TOPBP1: variants seen among roughly 807,000 people sequenced by gnomAD.
TOPBP1 encodes the protein DNA topoisomerase 2-binding protein 1.
TOPBP1 carries 28 observed loss-of-function variants against 167.7 expected under a neutral mutation model. The observed-to-expected ratio is 0.17, with a 90% CI of 0.12 to 0.23. TOPBP1 has a LOEUF of 0.23. Ranked by LOEUF, TOPBP1 falls within the 10% of genes least tolerant of loss-of-function variation. The pLI, the probability that TOPBP1 is intolerant of heterozygous loss-of-function variation, is 1.00. For missense variants in TOPBP1, 1,554 were observed against 1,809.6 expected, an observed-to-expected ratio of 0.86 and a Z score of 2.56; for synonymous variants, 598 against 611.4, an observed-to-expected ratio of 0.98 and a Z score of 0.32.
chr3:133,608,911 C>T lies in TOPBP1; in HGVS notation c.4225G>A (p.Ala1409Thr). The stretch of plus-strand genomic sequence containing the variant: ...GACTGAAGAAGGCGTTTGAAGCCTG[C>T]TTCTCGAGACTGATCCACATGTAAA... ...VILHVDQSRE[A>T]GFKRLLQSGG... Residue 1409 changes from alanine (A) to threonine (T), a missense_variant, in exon 26 of 28, where the codon GCA (alanine) becomes ACA (threonine). Ala to Thr is a moderately conservative substitution (Grantham distance 58). Coordinates refer to ENST00000260810, the MANE Select transcript of TOPBP1 (RefSeq NM_007027.4). The T allele has an allele frequency of 6.2e-7, 1 of 1,613,282 alleles. No homozygotes were observed. The highest frequency in any genetic ancestry group is 8.5e-7 in the Non-Finnish European group (1 of 1,179,636).
At chr3:133,610,889 G>GA (rs1445876462) in intron 25 of TOPBP1, 115 bp downstream of exon 25, 1 of 1,237,438 alleles carries the variant, frequency 8.1e-7, no homozygotes, top group African/African-American at 1.5e-5. Flanking sequence ...AAAATTTGGG[G>GA]AAAAAAGACA....
intron 14 of TOPBP1, among the ~76,000 whole-genome samples, chr3:133,636,171 G>A (rs74196650): frequency 2.0e-5 from 3 of 152,146 alleles, no homozygotes; most frequent in South Asian, 4.1e-4. Flanking sequence ...CTATCTGAAC[G>A]TGTATAGTGG....
intron 6 of TOPBP1, among the ~76,000 whole-genome samples, chr3:133,653,947 A>G (rs2107831594): frequency 6.6e-6 from 1 of 152,282 alleles, no homozygotes; most frequent in South Asian, 2.1e-4. Context: ...AGGTTATTTC[A>G]AAAACCTATC....
In TOPBP1 at chr3:133,617,324, C is replaced by G. The variant is rs1046004612; in HGVS notation, c.3595G>C (p.Val1199Leu). ...ACACGTATGTTTCCAGGATCACAGA[C>G]AGCTGAGGACAATAAAATGCTGCAG... ...LHDSEIAKQA[V>L]CDPGNIRVTE... Residue 1199 changes from valine (V) to leucine (L), a missense_variant and splice_region_variant, in exon 22 of 28, where the codon GTC becomes CTC. This residue lies in a region of TOPBP1 where 351 missense variants were observed against 432.9 expected (regional missense o/e 0.81). Transcript: ENST00000260810. 1 of 1,600,150 alleles carries G rather than the reference C, an allele frequency of 6.2e-7. No homozygotes were observed. Among genetic ancestry groups the G allele is most frequent in the African/African-American group, 1.4e-5 (1 of 74,000 alleles).
chr3:133,638,672 A>G (rs978473279), intron 13 of TOPBP1, among the ~76,000 whole-genome samples: 1 of 152,206 alleles, frequency 6.6e-6, no homozygotes, highest in Non-Finnish European at 1.5e-5. Context: ...CAAAATAAGT[A>G]ATGACTCTGA....
Position 133,623,348 on chromosome 3 carries a change from C to T in TOPBP1, c.3038G>A (p.Arg1013Gln), listed in dbSNP as rs61758061. The T allele has an allele frequency of 8.3e-3, 13,345 of 1,613,522 alleles. 181 individuals carry two copies. The highest frequency in any genetic ancestry group is 7.3e-3 in the Non-Finnish European group (8,617 of 1,179,756). Reference sequence around the variant, plus strand: ...TGTTGAAGACACAGCTGAGAGTAGTCGACTATTACAGAGCCGGCCATCTTG... The same window carrying T: ...TGTTGAAGACACAGCTGAGAGTAGTTGACTATTACAGAGCCGGCCATCTTG... The part of the protein sequence containing the change: ...AVQDGRLCNS[R>Q]LLSAVSSTKD... The change falls in exon 18 of 28, where the codon CGA becomes CAA. Residue 1013 changes from arginine to glutamine, a missense_variant. By Grantham distance (43) the Arg-to-Gln change is conservative (BLOSUM62 1). Around this residue, in one of 3 missense-constraint regions of TOPBP1, gnomAD observed 1,197 missense variants for 1,351.5 expected, o/e 0.89. Transcript: ENST00000260810.
At position 133,653,531 on chromosome 3, in the gene TOPBP1, C is replaced by A; in HGVS notation, c.743-7G>T. ...GCACACTCATACTTCTGACCTGTGG[C>A]GTTCATTAAGAAAGAAATAGAGAAA... is the stretch of plus-strand genomic sequence containing the variant. On this transcript the variant is annotated splice_region_variant and splice_polypyrimidine_tract_variant and intron_variant, in intron 6 of 27. Transcript: ENST00000260810. The A allele has an allele frequency of 6.6e-7, 1 of 1,521,756 alleles. No homozygotes were observed. Among genetic ancestry groups the A allele is most frequent in the Non-Finnish European group, 8.8e-7 (1 of 1,139,416 alleles). 94.3% of individuals were successfully genotyped at this position (1,521,756 alleles called of 1,614,324 possible).
At chr3:133,636,866 A>G (rs1193842713) in intron 14 of TOPBP1, among the ~76,000 whole-genome samples, 1 of 152,218 alleles carries the variant, frequency 6.6e-6, no homozygotes, top group African/African-American at 2.4e-5. Context: ...CTTAAGGGAT[A>G]TGGACCTGAG....
At chr3:133,626,552 T>C (rs1045099274) in intron 16 of TOPBP1, among the ~76,000 whole-genome samples, 4 of 152,236 alleles carry the variant, frequency 2.6e-5, no homozygotes, top group African/African-American at 9.6e-5. Context: ...GCAGTTTTAA[T>C]ATACACTAAT....
At chr3:133,652,740 T>C (rs1035323857) in intron 7 of TOPBP1, 111 bp from the exon 8 acceptor site, 1 of 876,512 alleles carries the variant, frequency 1.1e-6, no homozygotes, top group African/African-American at 1.7e-5. Context: ...ACTTCCAAAG[T>C]AAGATTCAGG....
Position 133,617,303 on chromosome 3 carries a change from G to A in TOPBP1, c.3616C>T (p.Arg1206Cys), listed in dbSNP as rs202180261. Residue 1206 changes from arginine (R) to cysteine (C), a missense_variant, in exon 22 of 28, where the codon CGT (arginine) becomes TGT (cysteine). Physicochemically the swap from Arg to Cys is radical, Grantham distance 180. Transcript: ENST00000260810. ...KQAVCDPGNI[R>C]VTEAPKHPIS... Reference sequence around the variant, plus strand: ...GGGTGTTTGGGAGCTTCAGTCACACGTATGTTTCCAGGATCACAGACAGCT... The same window carrying A: ...GGGTGTTTGGGAGCTTCAGTCACACATATGTTTCCAGGATCACAGACAGCT... 129 of 1,611,902 alleles carry A rather than the reference G, an allele frequency of 8.0e-5. 1 individual carries two copies. The African/African-American group carries it at 1.2e-3, about 15-fold the overall frequency.
At chr3:133,610,731 C>T (rs1934647800) in intron 25 of TOPBP1, among the ~76,000 whole-genome samples, 1 of 151,916 alleles carries the variant, frequency 6.6e-6, no homozygotes, top group Admixed American at 6.6e-5. Flanking sequence ...AGTACATGGC[C>T]TTCCCAGATT....
chr3:133,649,441 C>G lies in TOPBP1; in HGVS notation c.1446G>C (p.Lys482Asn). The G allele has an allele frequency of 2.5e-6, 4 of 1,613,872 alleles. No homozygotes were observed. The highest frequency in any genetic ancestry group is 3.4e-6 in the Non-Finnish European group (4 of 1,179,864). ...GCAGATCTTCATCAGCTTGCTCATG[C>G]TTTTCACTAGGAGCAAAGTCTTTCT... ...FSKKDFAPSE[K>N]HEQADEDLLS... The change falls in exon 10 of 28, where the codon AAG (lysine) becomes AAC (asparagine). Residue 482 changes from lysine (K) to asparagine (N), a missense_variant. Around this residue, in one of 3 missense-constraint regions of TOPBP1, gnomAD observed 1,197 missense variants for 1,351.5 expected, o/e 0.89. Transcript: ENST00000260810.
chr3:133,652,423 G>GTA (rs1286033513), intron 8 of TOPBP1, 40 bp downstream of exon 8: 1 of 1,600,144 alleles, frequency 6.2e-7, no homozygotes. Flanking sequence ...AAATGCTAAT[G>GTA]TATATCATCT....
chr3:133,653,262 T>G (rs1433086197), intron 7 of TOPBP1, 83 bp downstream of exon 7: 49 of 1,265,534 alleles, frequency 3.9e-5, no homozygotes, highest in Admixed American at 1.4e-4. Context: ...ATTCCCTATC[T>G]CAGTGATCCT....
At chr3:133,660,820 A>G (rs1409821792) in intron 2 of TOPBP1, among the ~76,000 whole-genome samples, 1 of 152,240 alleles carries the variant, frequency 6.6e-6, no homozygotes, top group Non-Finnish European at 1.5e-5. Context: ...TAGGTCAGCC[A>G]TATTAAACAG....
chr3:133,618,568 T>C, intron 20 of TOPBP1, 135 bp from the exon 21 acceptor site: 2 of 677,238 alleles, frequency 3.0e-6, no homozygotes, highest in African/African-American at 1.8e-5. Flanking sequence ...ATTAAAAATA[T>C]TAAATAAATG....
In TOPBP1 at chr3:133,653,420, T is replaced by G; in HGVS notation, c.847A>C (p.Lys283Gln). Residue 283 changes from lysine (K) to glutamine (Q), a missense_variant, in exon 7 of 28, where the codon AAG (lysine) becomes CAG (glutamine). Transcript: ENST00000260810. ...TTTGCTTCTGGTCTAGGTTCTGTCT[T>G]GTATATGGATTCATCCTGACAAAAA... is the stretch of plus-strand genomic sequence containing the variant. Reference protein sequence around the residue: ...KGFCQDESIYKTEPRPEAKTM... With the variant: ...KGFCQDESIYQTEPRPEAKTM... 5.0e-6 allele frequency: 8 copies of G among 1,613,356 alleles called. No homozygotes were observed. The highest frequency in any genetic ancestry group is 6.8e-6 in the Non-Finnish European group (8 of 1,179,716).
rs368813639 is a variant in TOPBP1 at position 133,601,388 on chromosome 3, T to C, written c.4431A>G (p.Ser1477=). Residue 1477 remains serine, a synonymous_variant, in exon 28 of 28, where the codon TCA becomes TCG. Transcript: ENST00000260810. The part of the protein sequence containing the change: ...EYIADYLMQE[S]PPHVENYCLP... Reference sequence around the variant, plus strand: ...GACAGTAATTTTCTACATGAGGAGGTGATTCCTATAAAAGGAAAAATAAGT... The same window carrying C: ...GACAGTAATTTTCTACATGAGGAGGCGATTCCTATAAAAGGAAAAATAAGT... 184 of 1,520,252 alleles carry C rather than the reference T, an allele frequency of 1.2e-4. No individual in the cohort carries two copies. The highest frequency in any genetic ancestry group is 1.5e-4 in the Non-Finnish European group (167 of 1,132,474). 94.2% of individuals were successfully genotyped at this position (1,520,252 alleles called of 1,614,324 possible). A position where few individuals can be genotyped will look rare whatever the true frequency, so the allele number is the denominator to read the frequency against.
Sources: allele counts gnomAD v4.1 joint callset (sites outside exome capture counted in the v4.1 genomes callset), GRCh38; gene constraint gnomAD v4.1.1; regional missense constraint gnomAD v4.1.1; transcripts MANE v1.5; gene names NCBI Gene and HGNC (gene_info 2026-07-23, HGNC 2026-07-21).